The following SPON1 variants were observed in gnomAD, a reference collection of about 807,000 sequenced individuals.
The protein encoded by SPON1 is spondin 1.
Under a neutral mutation model 111.7 loss-of-function variants are expected in SPON1, and 52 were observed. The observed-to-expected ratio is 0.47, with a 90% confidence interval of 0.37 to 0.59. The LOEUF (loss-of-function observed/expected upper bound fraction) is 0.59, where lower values mean the gene tolerates loss of function less well. Among genes scored for constraint, SPON1 ranks in the 20% least tolerant of loss-of-function variants. SPON1 has a pLI of 0.00. For missense variants in SPON1, 957 were observed against 1,068.5 expected (o/e 0.90, Z 1.46); for synonymous variants, 410 against 395.8 (o/e 1.04, Z -0.43).
chr11:14,175,298 G>A, intron 6 of SPON1, among the ~76,000 whole-genome samples: 1 of 152,310 alleles, frequency 6.6e-6, no homozygotes, highest in Admixed American at 6.5e-5. Context: ...CCAAATTCCT[G>A]TCCTCTGGAT....
intron 6 of SPON1, among the ~76,000 whole-genome samples, chr11:14,220,108 T>C (rs919511948): frequency 2.7e-5 from 4 of 149,572 alleles, no homozygotes; most frequent in African/African-American, 4.9e-5. Context: ...AAAAAAAAAC[T>C]TTCCTACATA....
chr11:14,264,909 G>A (rs1312451621), intron 15 of SPON1, among the ~76,000 whole-genome samples: 1 of 152,160 alleles, frequency 6.6e-6, no homozygotes. Context: ...AAGTACTTGG[G>A]GAGTAAGGCA....
chr11:14,144,676 A>C (rs1263454257), intron 6 of SPON1, among the ~76,000 whole-genome samples: 2 of 133,910 alleles, frequency 1.5e-5, no homozygotes. Flanking sequence ...ATAATGAAAA[A>C]TAAAAAGTAA....
intron 3 of SPON1, among the ~76,000 whole-genome samples, chr11:14,071,163 T>C (rs1170191286): frequency 1.3e-5 from 2 of 152,196 alleles, no homozygotes; most frequent in Admixed American, 1.3e-4. Flanking sequence ...ATATGATTTA[T>C]AAACCTCAGC....
intron 6 of SPON1, among the ~76,000 whole-genome samples, chr11:14,213,837 G>A (rs933443944): frequency 6.6e-6 from 1 of 152,218 alleles, no homozygotes; most frequent in Non-Finnish European, 1.5e-5. Flanking sequence ...ATCTTGAAAT[G>A]TAAGCAGGCT....
At chr11:13,984,673 T>C (rs1425567671) in intron 2 of SPON1, among the ~76,000 whole-genome samples, 1 of 152,188 alleles carries the variant, frequency 6.6e-6, no homozygotes, top group Non-Finnish European at 1.5e-5. Flanking sequence ...CACATAAACT[T>C]TGGGGGACAC....
At chr11:14,002,813 C>T (rs782400124) in intron 2 of SPON1, among the ~76,000 whole-genome samples, 2 of 152,092 alleles carry the variant, frequency 1.3e-5, no homozygotes, top group East Asian at 1.9e-4. Flanking sequence ...GTTGAGAAAG[C>T]TGGTCAGGGG....
intron 6 of SPON1, among the ~76,000 whole-genome samples, chr11:14,209,464 A>G (rs1848551623): frequency 6.6e-6 from 1 of 151,638 alleles, no homozygotes; most frequent in African/African-American, 2.4e-5. Flanking sequence ...CCCTGTGTCC[A>G]TGTGTTCTCA....
At chr11:13,994,699 G>A (rs1848258191) in intron 2 of SPON1, among the ~76,000 whole-genome samples, 1 of 152,198 alleles carries the variant, frequency 6.6e-6, no homozygotes, top group Non-Finnish European at 1.5e-5. Context: ...ATTTATGGCA[G>A]CACATGAAAC....
intron 2 of SPON1, among the ~76,000 whole-genome samples, chr11:14,011,524 C>A (rs1250896522): frequency 4.6e-5 from 7 of 152,196 alleles, no homozygotes; most frequent in Admixed American, 4.6e-4. Flanking sequence ...TGGATTCCTA[C>A]TGCAGCCTCC....
chr11:14,009,754 C>T (rs532690628), intron 2 of SPON1, among the ~76,000 whole-genome samples: 1 of 152,156 alleles, frequency 6.6e-6, no homozygotes, highest in Non-Finnish European at 1.5e-5. Context: ...CTGGTAAGGG[C>T]CTGTTCCCCA....
At chr11:14,159,317 A>G (rs10766160) in intron 6 of SPON1, among the ~76,000 whole-genome samples, 59,679 of 151,958 alleles carry the variant, frequency 0.39, 11,982 homozygotes, top group East Asian at 0.55. Flanking sequence ...ATGCAAATCA[A>G]AACTGCAATG....
intron 3 of SPON1, among the ~76,000 whole-genome samples, chr11:14,043,049 A>G (rs1262455976): frequency 6.6e-6 from 1 of 152,262 alleles, no homozygotes; most frequent in Admixed American, 6.5e-5. Context: ...ATGAAATCAT[A>G]TCTATAAATG....
chr11:14,058,514 C>T (rs186737138), intron 3 of SPON1, among the ~76,000 whole-genome samples: 45 of 152,036 alleles, frequency 3.0e-4, no homozygotes, highest in Non-Finnish European at 4.9e-4. Context: ...AGGGAAGCAG[C>T]GGAAACAGTG....
At chr11:14,142,190 A>G (rs1412072960) in intron 6 of SPON1, among the ~76,000 whole-genome samples, 2 of 152,212 alleles carry the variant, frequency 1.3e-5, no homozygotes, top group Non-Finnish European at 2.9e-5. Context: ...CTGCCCTTAG[A>G]AAGAGATTGC....
intron 2 of SPON1, among the ~76,000 whole-genome samples, chr11:14,020,402 G>C (rs1848472410): frequency 6.6e-6 from 1 of 152,226 alleles, no homozygotes; most frequent in African/African-American, 2.4e-5. Flanking sequence ...AGTGACCATT[G>C]CCAGTGCAGA....
chr11:13,992,845 C>G (rs1044107534), intron 2 of SPON1, among the ~76,000 whole-genome samples: 1 of 151,914 alleles, frequency 6.6e-6, no homozygotes, highest in East Asian at 1.9e-4. Context: ...GGTGAGGTGA[C>G]GCTCCATCCT....
rs77340711 is a variant in SPON1, at chr11:13,966,873, C to T, written c.238+3731C>T. ...GGTGTTTTGATTTTTTCCCAGCATT[C>T]CTGTGAGAATTAGAAATAATTCATG... On this transcript the variant is annotated intron_variant, in intron 1 of 15. Coordinates refer to ENST00000576479, the MANE Select transcript of SPON1 (RefSeq NM_006108.4). Among the ~76,000 whole-genome samples, 48 of 152,264 alleles carry T rather than the reference C, an allele frequency of 3.2e-4. No homozygotes were observed. The East Asian group carries it at 9.2e-3, about 29-fold the overall frequency.
chr11:14,014,565 G>A (rs180701916), intron 2 of SPON1, among the ~76,000 whole-genome samples: 3 of 152,310 alleles, frequency 2.0e-5, no homozygotes, highest in East Asian at 1.9e-4. Context: ...CTGGTGCTAT[G>A]TCCATGGCAG....
Sources: gnomAD v4.1 joint callset for allele counts (sites outside exome capture counted in the v4.1 genomes callset) on GRCh38, gnomAD v4.1.1 for gene constraint, MANE v1.5 for transcripts, NCBI Gene and HGNC (gene_info 2026-07-23, HGNC 2026-07-21) for gene names.